CCDC191: variants seen among roughly 807,000 people sequenced by gnomAD.
The protein encoded by CCDC191 is coiled-coil domain containing 191.
Under a neutral mutation model 114.0 loss-of-function variants are expected in CCDC191, and 99 were observed. That is an observed-to-expected ratio of 0.87 (90% CI 0.74 to 1.03). CCDC191 has a LOEUF of 1.03. Ranked by LOEUF, CCDC191 falls within the 50% of genes least tolerant of loss-of-function variation. The probability of loss-of-function intolerance (pLI) is 0.00; values close to 1 mark genes in which losing one functional copy is unlikely to be tolerated. For missense variants in CCDC191, 973 were observed against 1,087.0 expected (o/e 0.90, Z 1.47); for synonymous variants, 351 against 376.0 (o/e 0.93, Z 0.77).
At chr3:114,021,723 C>G (rs1053618617) in intron 7 of CCDC191, among the ~76,000 whole-genome samples, 1 of 152,022 alleles carries the variant, frequency 6.6e-6, no homozygotes, top group Non-Finnish European at 1.5e-5. Context: ...TGCTTCTCCT[C>G]GTTACTTTTC....
At chr3:114,018,994 T>A in intron 7 of CCDC191, 126 bp from the exon 8 acceptor site, 1 of 808,628 alleles carries the variant, frequency 1.2e-6, no homozygotes, top group Non-Finnish European at 2.0e-6. Context: ...ACTGTTGTCT[T>A]AATGGAAAGG....
At chr3:113,978,674 G>T in intron 15 of CCDC191, 184 bp downstream of exon 15, 1 of 672,850 alleles carries the variant, frequency 1.5e-6, no homozygotes, top group Non-Finnish European at 2.5e-6. Flanking sequence ...ACAGGCTTAG[G>T]ATTTTACACT....
intron 16 of CCDC191, among the ~76,000 whole-genome samples, chr3:113,971,175 C>T (rs1940785611): frequency 6.6e-6 from 1 of 152,170 alleles, no homozygotes; most frequent in South Asian, 2.1e-4. Flanking sequence ...AGTTTACAGT[C>T]CCACCAACAG....
chr3:114,042,560 C>A, intron 4 of CCDC191, 143 bp downstream of exon 4: 2 of 571,564 alleles, frequency 3.5e-6, no homozygotes, highest in Non-Finnish European at 2.8e-6. Context: ...TACATTTAAC[C>A]ATGATAAATT....
chr3:114,037,199 T>A (rs2076497991), intron 4 of CCDC191: 1 of 152,420 alleles, frequency 6.6e-6, no homozygotes, highest in Non-Finnish European at 1.5e-5. Context: ...TTTCGACATA[T>A]GCATATGCTA....
intron 8 of CCDC191, among the ~76,000 whole-genome samples, chr3:114,011,636 C>G (rs2076072144): frequency 6.6e-6 from 1 of 152,166 alleles, no homozygotes; most frequent in African/African-American, 2.4e-5. Flanking sequence ...TTGCTAAGCA[C>G]TAGATGTGTA....
At chr3:113,980,877 A>G (rs1391539481) in intron 13 of CCDC191, 84 bp from the exon 14 acceptor site, 1 of 1,265,708 alleles carries the variant, frequency 7.9e-7, no homozygotes, top group African/African-American at 1.5e-5. Flanking sequence ...TTTAATTTGA[A>G]CATGTAACCA....
At chr3:114,025,539 T>C (rs1035381871) in intron 7 of CCDC191, among the ~76,000 whole-genome samples, 12 of 152,228 alleles carry the variant, frequency 7.9e-5, no homozygotes, top group African/African-American at 2.7e-4. Context: ...AATTATCTAA[T>C]AGTTACATTG....
chr3:114,052,124 T>A (rs1214383209), intron 2 of CCDC191, among the ~76,000 whole-genome samples: 1 of 150,794 alleles, frequency 6.6e-6, no homozygotes, highest in Admixed American at 6.6e-5. Flanking sequence ...ACATTAGATA[T>A]GAAAAAGAAA....
intron 13 of CCDC191, among the ~76,000 whole-genome samples, chr3:113,981,848 T>G (rs1240597287): frequency 6.6e-6 from 1 of 152,208 alleles, no homozygotes; most frequent in Admixed American, 6.5e-5. Context: ...CTCTTAGCCA[T>G]TAAACCAAAA....
At position 113,980,635 on chromosome 3, in the gene CCDC191, A is replaced by G; in HGVS notation, c.2307+15T>C. The stretch of plus-strand genomic sequence containing the variant: ...TCCATTTTCTAATCTGGGGGATAAC[A>G]GTGGGACAGTGTACCTGGATGTTTT... On this transcript the variant is annotated intron_variant, in intron 14 of 16. Transcript: ENST00000295878. The G allele has an allele frequency of 6.4e-7, 1 of 1,570,498 alleles. No homozygotes were observed. Among genetic ancestry groups the G allele is most frequent in the Non-Finnish European group, 8.6e-7 (1 of 1,166,878 alleles).
chr3:114,028,993 T>G (rs2076365255), intron 7 of CCDC191, among the ~76,000 whole-genome samples: 1 of 151,432 alleles, frequency 6.6e-6, no homozygotes, highest in Admixed American at 6.6e-5. Context: ...TTATATATAT[T>G]TTAGCTCTGT....
chr3:114,056,498 G>A lies in CCDC191; in HGVS notation c.-32C>T, dbSNP rs562045865. Reference sequence around the variant, plus strand: ...AGTTCGAGCCCGAACCTCGGCCAAAGCTGCAGCAACCGCCCTTCTGCCCGG... The same window carrying A: ...AGTTCGAGCCCGAACCTCGGCCAAAACTGCAGCAACCGCCCTTCTGCCCGG... On this transcript the variant is annotated 5_prime_UTR_variant, in exon 1 of 17. Transcript: ENST00000295878. 9 of 1,613,876 alleles carry A rather than the reference G, an allele frequency of 5.6e-6. No individual in the cohort carries two copies. In the African/African-American group the frequency reaches 1.2e-4, roughly 22 times the overall value.
At position 113,980,779 on chromosome 3, in the gene CCDC191, C is replaced by T; in HGVS notation, c.2178G>A (p.Lys726=). ...KRLKKMKELE[K]QKRIKRNQQL... ...GCTGGTTCCTCTTAATTCTCTTCTG[C>T]TTCTCAAGTTCTTTCTGGAAAAGAT... The change falls in exon 14 of 17, where the codon AAG becomes AAA. Residue 726 remains lysine, a synonymous_variant. Transcript: ENST00000295878. The T allele has an allele frequency of 5.0e-6, 8 of 1,603,342 alleles. No homozygotes were observed. Among genetic ancestry groups the T allele is most frequent in the Non-Finnish European group, 5.9e-6 (7 of 1,177,300 alleles).
chr3:113,975,791 G>A (rs1941282714), intron 16 of CCDC191, among the ~76,000 whole-genome samples: 1 of 152,206 alleles, frequency 6.6e-6, no homozygotes, highest in Non-Finnish European at 1.5e-5. Context: ...TAGGAGGCCA[G>A]TGGGGCCAGA....
chr3:113,969,709 G>A (rs370286360), intron 16 of CCDC191, among the ~76,000 whole-genome samples: 3 of 152,096 alleles, frequency 2.0e-5, no homozygotes, highest in African/African-American at 7.2e-5. Flanking sequence ...TGGTCTATAT[G>A]CCTGTTTTTA....
At chr3:113,998,168 T>C (rs2075772021) in intron 13 of CCDC191, among the ~76,000 whole-genome samples, 1 of 151,316 alleles carries the variant, frequency 6.6e-6, no homozygotes, top group Admixed American at 6.6e-5. Context: ...TAGCCAGGCG[T>C]GGTGGTGCAT....
intron 10 of CCDC191, 121 bp downstream of exon 10, chr3:114,005,387 G>C (rs373454886): frequency 1.1e-5 from 10 of 938,328 alleles, no homozygotes; most frequent in South Asian, 1.7e-5. Context: ...TTTGCTTTGA[G>C]AGTGCAAAAT....
intron 9 of CCDC191, among the ~76,000 whole-genome samples, chr3:114,008,972 C>G (rs1053262494): frequency 5.9e-5 from 9 of 152,038 alleles, no homozygotes; most frequent in Non-Finnish European, 1.0e-4. Flanking sequence ...GCCTATTGCC[C>G]CTAGTCTACC....
Sources: gnomAD v4.1 joint callset for allele counts (sites outside exome capture counted in the v4.1 genomes callset) on GRCh38, gnomAD v4.1.1 for gene constraint, MANE v1.5 for transcripts, NCBI Gene and HGNC (gene_info 2026-07-23, HGNC 2026-07-21) for gene names.